Variants in TAFA1 observed in about 807,000 individuals in gnomAD.
TAFA1 encodes the protein chemokine-like protein TAFA-1.
TAFA1 carries 4 observed loss-of-function variants against 18.5 expected under a neutral mutation model. The observed-to-expected ratio is 0.22, with a 90% CI of 0.11 to 0.49. TAFA1 has a LOEUF of 0.49. Ranked by LOEUF, TAFA1 falls within the 20% of genes least tolerant of loss-of-function variation. The pLI is 0.98. For missense variants in TAFA1, 147 were observed against 169.0 expected (o/e 0.87, Z 0.72); for synonymous variants, 56 against 55.2 (o/e 1.01, Z -0.06).
chr3:68,037,375 A>G (rs975767457), intron 2 of TAFA1, among the ~76,000 whole-genome samples: 1 of 152,154 alleles, frequency 6.6e-6, no homozygotes, highest in African/African-American at 2.4e-5. Flanking sequence ...TTTATCTTAG[A>G]AGCCTGTAAT....
chr3:68,119,323 A>G (rs2065360385), intron 2 of TAFA1, among the ~76,000 whole-genome samples: 1 of 152,086 alleles, frequency 6.6e-6, no homozygotes, highest in African/African-American at 2.4e-5. Context: ...ATTTTCTCTC[A>G]TTCCATACAT....
chr3:68,521,998 G>C (rs750168925), intron 3 of TAFA1, among the ~76,000 whole-genome samples: 2 of 149,474 alleles, frequency 1.3e-5, no homozygotes, highest in Non-Finnish European at 3.0e-5. Flanking sequence ...GCACACCACC[G>C]AGCCCAGCTA....
chr3:68,407,492 A>G (rs2070633992), intron 2 of TAFA1, among the ~76,000 whole-genome samples: 1 of 152,148 alleles, frequency 6.6e-6, no homozygotes, highest in Non-Finnish European at 1.5e-5. Flanking sequence ...AAAAATAGCT[A>G]TAATATGTCT....
chr3:68,368,852 G>A (rs2069624626), intron 2 of TAFA1, among the ~76,000 whole-genome samples: 1 of 152,192 alleles, frequency 6.6e-6, no homozygotes, highest in South Asian at 2.1e-4. Flanking sequence ...ACACAAGAAT[G>A]TATTCTGAAT....
intron 2 of TAFA1, among the ~76,000 whole-genome samples, chr3:68,018,646 A>G (rs9829374): frequency 0.2 from 30,728 of 152,228 alleles, 3,723 homozygotes; most frequent in Non-Finnish European, 0.28. Context: ...TGCCTGAAAC[A>G]GTGTGGCACA....
chr3:68,096,614 A>T (rs1394708813), intron 2 of TAFA1, among the ~76,000 whole-genome samples: 2 of 152,096 alleles, frequency 1.3e-5, no homozygotes, highest in African/African-American at 4.8e-5. Context: ...AAGTTAGTTA[A>T]CTTCTCCAAA....
chr3:68,372,375 A>T (rs2069724747), intron 2 of TAFA1, among the ~76,000 whole-genome samples: 1 of 152,090 alleles, frequency 6.6e-6, no homozygotes, highest in Non-Finnish European at 1.5e-5. Context: ...TAAAGACAAG[A>T]CTGTTGTGGA....
intron 2 of TAFA1, among the ~76,000 whole-genome samples, chr3:68,225,111 T>C (rs1232318850): frequency 2.0e-5 from 3 of 151,836 alleles, no homozygotes; most frequent in African/African-American, 7.3e-5. Context: ...GATTTCACCA[T>C]GTTGGCCAGG....
intron 2 of TAFA1, among the ~76,000 whole-genome samples, chr3:68,271,408 G>A (rs1446978541): frequency 6.6e-6 from 1 of 152,066 alleles, no homozygotes; most frequent in Non-Finnish European, 1.5e-5. Flanking sequence ...AATTGGCCAG[G>A]CCTGGGCCAC....
intron 2 of TAFA1, among the ~76,000 whole-genome samples, chr3:68,260,429 G>C (rs1224724868): frequency 6.6e-6 from 1 of 152,044 alleles, no homozygotes; most frequent in African/African-American, 2.4e-5. Flanking sequence ...CCAGGCTTTG[G>C]TATCAGGATG....
chr3:68,476,161 T>G (rs2072093132), intron 3 of TAFA1, among the ~76,000 whole-genome samples: 1 of 152,180 alleles, frequency 6.6e-6, no homozygotes, highest in African/African-American at 2.4e-5. Flanking sequence ...AAGCCAAAAC[T>G]GACAAATAGG....
chr3:68,244,265 A>C (rs1259262303), intron 2 of TAFA1, among the ~76,000 whole-genome samples: 1 of 152,054 alleles, frequency 6.6e-6, no homozygotes, highest in African/African-American at 2.4e-5. Context: ...TCTAATTTTG[A>C]TGAGGTCCAA....
At chr3:68,533,116 A>T (rs2073215063) in intron 3 of TAFA1, among the ~76,000 whole-genome samples, 1 of 151,544 alleles carries the variant, frequency 6.6e-6, no homozygotes. Flanking sequence ...GGTATGTAGT[A>T]AGGTGAGCGG....
intron 2 of TAFA1, among the ~76,000 whole-genome samples, chr3:68,386,200 A>C (rs1475058144): frequency 6.6e-6 from 1 of 152,106 alleles, no homozygotes; most frequent in East Asian, 1.9e-4. Flanking sequence ...TGTTATCCTT[A>C]TTTTTTATAT....
Position 68,310,857 on chromosome 3 carries a change from AT to A in TAFA1, c.119-106414del, listed in dbSNP as rs530764429. On this transcript the variant is annotated intron_variant, in intron 2 of 4. Coordinates refer to ENST00000478136, the MANE Select transcript of TAFA1 (RefSeq NM_213609.4). Reference sequence around the variant, plus strand: ...ATATTGCTTCATTTTTATTCAGAGAATTTTTTTTTAGTGCTGTCAAGTGTTT... The same window carrying A: ...ATATTGCTTCATTTTTATTCAGAGAATTTTTTTTAGTGCTGTCAAGTGTTT... Among the ~76,000 whole-genome samples the A allele has an allele frequency of 2.2e-3, 330 of 151,410 alleles. 1 individual carries two copies. Among genetic ancestry groups the A allele is most frequent in the Non-Finnish European group, 2.5e-3 (170 of 67,792 alleles).
chr3:68,196,426 C>T (rs2066410742), intron 2 of TAFA1, among the ~76,000 whole-genome samples: 1 of 151,664 alleles, frequency 6.6e-6, no homozygotes, highest in South Asian at 2.1e-4. Flanking sequence ...TTTGGTGATA[C>T]TTATGTGGGA....
intron 2 of TAFA1, among the ~76,000 whole-genome samples, chr3:68,328,652 G>T (rs894743592): frequency 6.6e-6 from 1 of 152,082 alleles, no homozygotes; most frequent in South Asian, 2.1e-4. Context: ...TTTTTATTAT[G>T]CAGTTTATTT....
chr3:68,247,287 T>C (rs1247644957), intron 2 of TAFA1: 3 of 152,128 alleles, frequency 2.0e-5, no homozygotes, highest in African/African-American at 4.8e-5. Context: ...TTCCTATTTT[T>C]CTCATTTCTT....
intron 2 of TAFA1, among the ~76,000 whole-genome samples, chr3:68,416,966 A>G (rs2070850393): frequency 6.6e-6 from 1 of 152,148 alleles, no homozygotes; most frequent in Non-Finnish European, 1.5e-5. Context: ...CAAAATATGC[A>G]TTTAAATCAG....
Sources: gnomAD v4.1 joint callset for allele counts (sites outside exome capture counted in the v4.1 genomes callset) on GRCh38, gnomAD v4.1.1 for gene constraint, MANE v1.5 for transcripts, NCBI Gene and HGNC (gene_info 2026-07-23, HGNC 2026-07-21) for gene names.